PRR5: variants seen among roughly 807,000 people sequenced by gnomAD.
PRR5 encodes the protein proline rich 5, also known as proline-rich protein 5.
Under a neutral mutation model 30.6 loss-of-function variants are expected in PRR5, and 25 were observed. The observed-to-expected ratio is 0.82, with a 90% CI of 0.60 to 1.14. The LOEUF (loss-of-function observed/expected upper bound fraction) is 1.14, where lower values mean the gene tolerates loss of function less well. Among genes scored for constraint, PRR5 ranks in the 50% most tolerant of loss-of-function variants. The pLI is 0.00. For synonymous variants in PRR5, 286 were observed against 247.1 expected, an observed-to-expected ratio of 1.16 and a Z score of -1.48; for missense variants, 600 against 547.1, an observed-to-expected ratio of 1.10 and a Z score of -0.96.
intron 6 of PRR5, among the ~76,000 whole-genome samples, chr22:44,733,784 C>T (rs1922674935): frequency 6.6e-6 from 1 of 152,114 alleles, no homozygotes; most frequent in Admixed American, 6.6e-5. Context: ...GGAGTCCCAC[C>T]TACTCATTGT....
chr22:44,678,433 G>T (rs58190853), intron 1 of PRR5, among the ~76,000 whole-genome samples: 3 of 150,146 alleles, frequency 2.0e-5, no homozygotes, highest in African/African-American at 7.4e-5. Context: ...TTCTGCCTCA[G>T]CCTCCCAAGT....
At chr22:44,693,745 A>G (rs1293660119) in intron 1 of PRR5, among the ~76,000 whole-genome samples, 1 of 141,636 alleles carries the variant, frequency 7.1e-6, no homozygotes, top group Non-Finnish European at 1.5e-5. Flanking sequence ...CTCCTGCCTC[A>G]GCCTCCTACA....
In PRR5 at chr22:44,714,691, T is replaced by C. The variant is rs759603694; in HGVS notation, c.215+20T>C. 3.7e-6 allele frequency: 6 copies of C among 1,613,294 alleles called. No individual in the cohort carries two copies. The Admixed American group carries it at 6.7e-5, about 18-fold the overall frequency. ...CGTCCGGTGAGTGCCTGTCCCACCT[T>C]GGTCCAGGGTCCTTGAGTGGCAGGG... On this transcript the variant is annotated intron_variant, in intron 2 of 7. Transcript: ENST00000336985.
intron 1 of PRR5, among the ~76,000 whole-genome samples, chr22:44,696,640 C>G (rs1305131915): frequency 6.6e-6 from 1 of 152,144 alleles, no homozygotes; most frequent in Non-Finnish European, 1.5e-5. Flanking sequence ...GGTAGCTCAG[C>G]TGGTCAAGAG....
chr22:44,711,111 C>T (rs1341623189), intron 1 of PRR5, among the ~76,000 whole-genome samples: 1 of 152,120 alleles, frequency 6.6e-6, no homozygotes. Flanking sequence ...AGGAGAGGCT[C>T]AGGCCTCCAC....
chr22:44,683,429 A>C (rs1924464760), intron 1 of PRR5, among the ~76,000 whole-genome samples: 1 of 152,142 alleles, frequency 6.6e-6, no homozygotes, highest in Non-Finnish European at 1.5e-5. Flanking sequence ...TCTGCCACCC[A>C]CACCCAGAAC....
Position 44,737,351 on chromosome 22 carries a change from C to T in PRR5, c.*104C>T, listed in dbSNP as rs1923474504. ...ACTTTTTTACTGCGTCCCGTCCCGC[C>T]AGCCCTATCGGCCTCGTCACTGGCC... On this transcript the variant is annotated 3_prime_UTR_variant, in exon 8 of 8. Transcript: ENST00000336985. The T allele has an allele frequency of 6.8e-7, 1 of 1,461,986 alleles. No individual in the cohort carries two copies. The highest frequency in any genetic ancestry group is 9.0e-7 in the Non-Finnish European group (1 of 1,108,918). 90.6% of individuals were successfully genotyped at this position (1,461,986 alleles called of 1,614,324 possible).
At chr22:44,732,226 G>A (rs756519287) in intron 5 of PRR5, 25 bp from the exon 6 acceptor site, 5 of 1,606,668 alleles carry the variant, frequency 3.1e-6, no homozygotes, top group Non-Finnish European at 4.2e-6. Flanking sequence ...CACAGCCGGT[G>A]GGGTGGGGTG....
chr22:44,724,369 C>T (rs915403408), intron 2 of PRR5, among the ~76,000 whole-genome samples: 11 of 151,832 alleles, frequency 7.2e-5, no homozygotes, highest in Admixed American at 2.0e-4. Context: ...CCGGGTTCAC[C>T]GCAACCTCTA....
chr22:44,676,390 C>CAAAAAAAAAAA (rs59016907), upstream of PRR5, among the ~76,000 whole-genome samples: 14 of 37,054 alleles, frequency 3.8e-4, no homozygotes, highest in East Asian at 3.9e-3. Flanking sequence ...GACCCTGTCT[C>CAAAAAAAAAAA]AAAAAAAAAA....
intron 1 of PRR5, among the ~76,000 whole-genome samples, chr22:44,684,437 C>T (rs1273423929): frequency 6.6e-6 from 1 of 152,204 alleles, no homozygotes; most frequent in Non-Finnish European, 1.5e-5. Context: ...GTTCCAGCTA[C>T]TCAGGAGGCT....
At chr22:44,697,295 G>A (rs62228460), upstream of PRR5, among the ~76,000 whole-genome samples, 1,282 of 152,284 alleles carry the variant, frequency 8.4e-3, 7 homozygotes, top group Middle Eastern at 0.037. Flanking sequence ...TCCTTCTGCC[G>A]TGCGACCACC....
At chr22:44,669,748 G>A (rs371352693) in intron 1 of PRR5, among the ~76,000 whole-genome samples, 1 of 152,188 alleles carries the variant, frequency 6.6e-6, no homozygotes, top group Non-Finnish European at 1.5e-5. Context: ...GCATGGGTGG[G>A]AGTGACATCT....
upstream of PRR5, among the ~76,000 whole-genome samples, chr22:44,697,860 G>A (rs1196932994): frequency 4.6e-5 from 7 of 152,178 alleles, no homozygotes; most frequent in Non-Finnish European, 7.3e-5. Flanking sequence ...GGGACGAGTC[G>A]GGGCAGTGTG....
intron 1 of PRR5, among the ~76,000 whole-genome samples, chr22:44,680,930 G>T (rs190561347): frequency 1.3e-5 from 2 of 152,218 alleles, no homozygotes; most frequent in Non-Finnish European, 2.9e-5. Context: ...GAGCAGGGTC[G>T]GACTACAATG....
chr22:44,677,368 C>G (rs1334002064), intron 1 of PRR5: 2 of 152,566 alleles, frequency 1.3e-5, no homozygotes, highest in Non-Finnish European at 2.9e-5. Context: ...AGTCCAAGAC[C>G]CTGCTGTGTG....
At chr22:44,726,425 C>T (rs1920949617) in intron 3 of PRR5, 152 bp from the exon 4 acceptor site, 1 of 1,144,400 alleles carries the variant, frequency 8.7e-7, no homozygotes, top group Non-Finnish European at 1.2e-6. Flanking sequence ...ATGCTCAGGC[C>T]CTGCAGCAGG....
At chr22:44,733,875 G>C (rs1210231392) in intron 6 of PRR5, among the ~76,000 whole-genome samples, 1 of 152,164 alleles carries the variant, frequency 6.6e-6, no homozygotes, top group East Asian at 1.9e-4. Context: ...CCAGGGACGT[G>C]GCCTGGACCG....
At chr22:44,729,306 GT>G in intron 4 of PRR5, 1 of 973,634 alleles carries the variant, frequency 1.0e-6, no homozygotes, top group Non-Finnish European at 1.2e-6. Context: ...AGGGTTGTTG[GT>G]TTGCAGGGCC....
Sources: gnomAD v4.1 joint callset for allele counts (sites outside exome capture counted in the v4.1 genomes callset) on GRCh38, gnomAD v4.1.1 for gene constraint, MANE v1.5 for transcripts, NCBI Gene and HGNC (gene_info 2026-07-23, HGNC 2026-07-21) for gene names.